TBC1D8B: variants seen among roughly 807,000 people sequenced by gnomAD.
TBC1D8B encodes the protein RP11-321G1.1.
In TBC1D8B, 75 loss-of-function variants were observed where a neutral mutation model predicts 82.9. The ratio of observed to expected loss-of-function variants is 0.90; its 90% confidence interval spans 0.75 to 1.10. The LOEUF (loss-of-function observed/expected upper bound fraction) is 1.10. TBC1D8B is among the 50% of genes least tolerant of loss of function. The pLI, the probability that TBC1D8B is intolerant of heterozygous loss-of-function variation, is 0.00. For missense variants in TBC1D8B, 794 were observed against 796.9 expected (o/e 1.00, Z 0.04); for synonymous variants, 276 against 276.8 (o/e 1.00, Z 0.03).
At position 106,865,064 on chromosome X, in the gene TBC1D8B, G is replaced by A. The variant is rs7052612; in HGVS notation, c.2353-495G>A. Among the ~76,000 whole-genome samples the A allele has an allele frequency of 8.8e-3, 976 of 110,682 alleles. 8 individuals carry two copies. The highest frequency in any genetic ancestry group is 0.031 in the African/African-American group (936 of 30,401). ...AGATATCATAATGATTGTATCATTA[G>A]TCCTTCTTCTTCATGGAATAGGATA... On this transcript the variant is annotated intron_variant, in intron 14 of 20. Transcript: ENST00000357242.
intron 11 of TBC1D8B, 162 bp from the exon 12 acceptor site, chrX:106,849,863 C>G: frequency 9.5e-7 from 1 of 1,051,526 alleles, no homozygotes; most frequent in Non-Finnish European, 1.2e-6. Flanking sequence ...GTACATGACA[C>G]TACTAGCAGT....
rs1932269379 is a variant in TBC1D8B at position 106,840,183 on chromosome X, T to C, written c.1489T>C (p.Trp497Arg). 8.3e-7 allele frequency: 1 copy of C among 1,204,827 alleles called. No individual in the cohort carries two copies. The highest frequency in any genetic ancestry group is 2.2e-5 in the Admixed American group (1 of 44,697). Residue 497 changes from tryptophan to arginine, a missense_variant, in exon 9 of 21, where the codon TGG becomes CGG. Physicochemically the swap from Trp to Arg is moderately radical, Grantham distance 101 (BLOSUM62 -3). Transcript: ENST00000357242. ...GIPETLRGEL[W>R]MLFSGAVNDM... The stretch of plus-strand genomic sequence containing the variant: ...TCCAGAAACATTAAGAGGAGAACTC[T>C]GGATGCTTTTTTCAGGTATTACGTT...
In TBC1D8B at chrX:106,826,214, A is replaced by G. The variant is rs1602413632; in HGVS notation, c.1012A>G (p.Ser338Gly). The change falls in exon 6 of 21, where the codon AGT (serine) becomes GGT (glycine). Residue 338 changes from serine (S) to glycine (G), a missense_variant. By Grantham distance (56) the Ser-to-Gly change is moderately conservative. Coordinates refer to ENST00000357242, the MANE Select transcript of TBC1D8B (RefSeq NM_017752.3). ...CFASQDGNQCSVIIPLREVLA... is the reference protein window; with the variant it reads ...CFASQDGNQCGVIIPLREVLA... ...TGCTAGCCAAGATGGCAATCAGTGT[A>G]GTGTAATCATTCCACTACGAGAGGT... 8.3e-7 allele frequency: 1 copy of G among 1,209,262 alleles called. No homozygotes were observed. The highest frequency in any genetic ancestry group is 1.1e-6 in the Non-Finnish European group (1 of 894,376).
chrX:106,855,694 A>G (rs1932681137), intron 14 of TBC1D8B, among the ~76,000 whole-genome samples: 1 of 112,011 alleles, frequency 8.9e-6, no homozygotes, highest in Non-Finnish European at 1.9e-5. Flanking sequence ...ACATTCTTGT[A>G]TATCTATTCT....
intron 20 of TBC1D8B, among the ~76,000 whole-genome samples, chrX:106,872,057 C>T (rs746682301): frequency 9.1e-6 from 1 of 110,370 alleles, no homozygotes; most frequent in South Asian, 3.9e-4. Context: ...ATGGAAGCTT[C>T]ATGATGTCAG....
At position 106,820,883 on chromosome X, in the gene TBC1D8B, A is replaced by C; in HGVS notation, c.248A>C (p.Asn83Thr). ...QVYLSIACGA[N>T]REEITKHWDW... Reference sequence around the variant, plus strand: ...TTCTTGTGTTATTAATCAGGAGCCAACAGAGAAGAAATAACCAAGCATTGG... The same window carrying C: ...TTCTTGTGTTATTAATCAGGAGCCACCAGAGAAGAAATAACCAAGCATTGG... Residue 83 changes from asparagine (N) to threonine (T), a missense_variant, in exon 3 of 21, where the codon AAC (asparagine) becomes ACC (threonine). Transcript: ENST00000357242. 1 of 1,177,344 alleles carries C rather than the reference A, an allele frequency of 8.5e-7. No individual in the cohort carries two copies. Among genetic ancestry groups the C allele is most frequent in the Non-Finnish European group, 1.1e-6 (1 of 875,059 alleles).
In TBC1D8B at chrX:106,873,759, C is replaced by T. The variant is rs372393368; in HGVS notation, c.3157C>T (p.Pro1053Ser). Residue 1053 changes from proline (P) to serine (S), a missense_variant, in exon 21 of 21, where the codon CCC (proline) becomes TCC (serine). Coordinates refer to ENST00000357242, the MANE Select transcript of TBC1D8B (RefSeq NM_017752.3). ...TGGTACTGTCTGTGGTTCTGGAGGACCCAGTGAGGAAAAAACAGGGAGCCA... is the reference window on the plus strand; with the variant it reads ...TGGTACTGTCTGTGGTTCTGGAGGATCCAGTGAGGAAAAAACAGGGAGCCA... ...FSGTVCGSGG[P>S]SEEKTGSHLE... 1.5e-5 allele frequency: 18 copies of T among 1,209,589 alleles called. No individual in the cohort carries two copies. In the African/African-American group the frequency reaches 3.1e-4, roughly 21 times the overall value.
Position 106,873,850 on chromosome X carries a change from TTGCATCGC to T in TBC1D8B, c.3251_3258del (p.Ala1084ValfsTer3), listed in dbSNP as rs760764038. ...TGGTCATTTGCATTTGAACAGATTC[TTGCATCGC>T]TGTTGAATGAACCAGCATTGGTGAG... On this transcript the variant is annotated frameshift_variant, in exon 21 of 21. Transcript: ENST00000357242. LOFTEE classifies it high-confidence loss of function. The T allele has an allele frequency of 8.3e-7, 1 of 1,210,487 alleles. No individual in the cohort carries two copies. Among genetic ancestry groups the T allele is most frequent in the African/African-American group, 1.7e-5 (1 of 57,361 alleles).
At chrX:106,838,336 T>A (rs1357095304) in intron 7 of TBC1D8B, among the ~76,000 whole-genome samples, 2 of 111,431 alleles carry the variant, frequency 1.8e-5, no homozygotes, top group Non-Finnish European at 3.8e-5. Flanking sequence ...TCAGTATAAT[T>A]TAGTGGTTAT....
intron 1 of TBC1D8B, among the ~76,000 whole-genome samples, chrX:106,804,920 T>G (rs1931139425): frequency 9.1e-6 from 1 of 110,411 alleles, no homozygotes; most frequent in Non-Finnish European, 1.9e-5. Context: ...ATAGATTTTA[T>G]AGTCCCGTGT....
chrX:106,865,999 C>T lies in TBC1D8B; in HGVS notation c.2628C>T (p.Cys876=). ...GATTGTTAGATGAAAACTCTGATTG[C>T]CTTATAAACTTCAAAGAATTCTCCT... is the stretch of plus-strand genomic sequence containing the variant. ...TFRLLDENSD[C]LINFKEFSSA... The change falls in exon 16 of 21, where the codon TGC becomes TGT. Residue 876 remains cysteine (C), a synonymous_variant. Coordinates refer to ENST00000357242, the MANE Select transcript of TBC1D8B (RefSeq NM_017752.3). The T allele has an allele frequency of 1.7e-6, 2 of 1,205,047 alleles. No individual in the cohort carries two copies. Among genetic ancestry groups the T allele is most frequent in the Non-Finnish European group, 2.2e-6 (2 of 893,028 alleles).
chrX:106,842,688 CATCT>C (rs773409033), intron 10 of TBC1D8B, among the ~76,000 whole-genome samples: 10 of 109,545 alleles, frequency 9.1e-5, no homozygotes, highest in Non-Finnish European at 1.9e-4. Flanking sequence ...CATCTGTCTC[CATCT>C]ATCTATCTAA....
Position 106,804,518 on chromosome X carries a change from C to T in TBC1D8B, c.130+1535C>T, listed in dbSNP as rs193299982. Among the ~76,000 whole-genome samples, 562 of 111,428 alleles carry T rather than the reference C, an allele frequency of 5.0e-3. 2 individuals carry two copies. The highest frequency in any genetic ancestry group is 8.2e-3 in the Non-Finnish European group (438 of 53,122). ...TCCATTTAATAGATGCAGATATTTT[C>T]GAGATCAAAATTTTAGAATCGATGT... On this transcript the variant is annotated intron_variant, in intron 1 of 20. Coordinates refer to ENST00000357242, the MANE Select transcript of TBC1D8B (RefSeq NM_017752.3).
chrX:106,839,472 T>C lies in TBC1D8B; in HGVS notation c.1353+15T>C, dbSNP rs750341466. On this transcript the variant is annotated intron_variant, in intron 8 of 20. Transcript: ENST00000357242. Reference sequence around the variant, plus strand: ...ATTCTAAAATGGTAGGAAAACAAAATATTTAAACCTATGGGCTGAAACATT... The same window carrying C: ...ATTCTAAAATGGTAGGAAAACAAAACATTTAAACCTATGGGCTGAAACATT... 64 of 1,116,387 alleles carry C rather than the reference T, an allele frequency of 5.7e-5. No individual in the cohort carries two copies. Among genetic ancestry groups the C allele is most frequent in the Admixed American group, 3.8e-4 (13 of 34,547 alleles). The allele number at this position is 1,116,387 out of a possible 1,213,427, so 92.0% of individuals were successfully genotyped here. A position where few individuals can be genotyped will look rare whatever the true frequency, so the allele number is the denominator to read the frequency against.
Position 106,833,094 on chromosome X carries a change from G to T in TBC1D8B, c.1203+5757G>T, listed in dbSNP as rs770266158. ...TTTGTTTTAATTATTGGTTTTACAG[G>T]TCAACTCTGGCCCCCAAACCACCAT... On this transcript the variant is annotated intron_variant, in intron 7 of 20. Coordinates refer to ENST00000357242, the MANE Select transcript of TBC1D8B (RefSeq NM_017752.3). Among the ~76,000 whole-genome samples, 3 of 110,981 alleles carry T rather than the reference G, an allele frequency of 2.7e-5. No homozygotes were observed. In the East Asian group the frequency reaches 8.4e-4, roughly 31 times the overall value.
rs1932503629 is a variant in TBC1D8B at position 106,848,215 on chromosome X, T to G, written c.1749T>G (p.Leu583=). 8.4e-7 allele frequency: 1 copy of G among 1,193,651 alleles called. No individual in the cohort carries two copies. Among genetic ancestry groups the G allele is most frequent in the African/African-American group, 1.7e-5 (1 of 57,212 alleles). ...TGAATATTTTGACTTCAGTGCTGCTTCTATATGCAAAAGAGGAAGAAGCTT... is the reference window on the plus strand; with the variant it reads ...TGAATATTTTGACTTCAGTGCTGCTGCTATATGCAAAAGAGGAAGAAGCTT... ...QAMNILTSVL[L]LYAKEEEAFW... Residue 583 remains leucine, a synonymous_variant, in exon 11 of 21, where the codon CTT becomes CTG. Coordinates refer to ENST00000357242, the MANE Select transcript of TBC1D8B (RefSeq NM_017752.3).
intron 7 of TBC1D8B, among the ~76,000 whole-genome samples, chrX:106,831,646 C>T (rs1274236744): frequency 9.0e-6 from 1 of 111,679 alleles, no homozygotes; most frequent in Non-Finnish European, 1.9e-5. Context: ...TAACTGTTCC[C>T]CTTAAAACTT....
At chrX:106,851,941 G>A (rs1465684922) in intron 12 of TBC1D8B, among the ~76,000 whole-genome samples, 1 of 110,055 alleles carries the variant, frequency 9.1e-6, no homozygotes, top group Non-Finnish European at 1.9e-5. Context: ...GTAATGGGAT[G>A]GCTGGGTCAA....
intron 20 of TBC1D8B, among the ~76,000 whole-genome samples, chrX:106,871,811 A>C (rs1932849717): frequency 8.9e-6 from 1 of 112,026 alleles, no homozygotes; most frequent in South Asian, 3.8e-4. Flanking sequence ...TCAGAGAAAT[A>C]GTTATATTTA....
Sources: allele counts gnomAD v4.1 joint callset (sites outside exome capture counted in the v4.1 genomes callset), GRCh38; gene constraint gnomAD v4.1.1; transcripts MANE v1.5; gene names NCBI Gene and HGNC (gene_info 2026-07-23, HGNC 2026-07-21).